The following PEX14 variants were observed in gnomAD, a reference collection of about 807,000 sequenced individuals.
PEX14 encodes the protein peroxisomal biogenesis factor 14.
In PEX14, 15 loss-of-function variants were observed where a neutral mutation model predicts 49.5. The ratio of observed to expected loss-of-function variants is 0.30; its 90% CI spans 0.20 to 0.47. PEX14 has a LOEUF of 0.47. Ranked by LOEUF, PEX14 falls within the 20% of genes least tolerant of loss-of-function variation. PEX14 has a pLI of 1.00. For synonymous variants in PEX14, 210 were observed against 212.7 expected, an observed-to-expected ratio of 0.99 and a Z score of 0.11; for missense variants, 398 against 494.8, an observed-to-expected ratio of 0.80 and a Z score of 1.86.
chr1:10,600,066 A>T (rs959449938), intron 4 of PEX14, among the ~76,000 whole-genome samples: 6 of 152,234 alleles, frequency 3.9e-5, no homozygotes, highest in Admixed American at 2.0e-4. Flanking sequence ...TAAAAAGTTT[A>T]AAAAGGCTAA....
At chr1:10,575,320 A>C (rs1640090754) in intron 3 of PEX14, among the ~76,000 whole-genome samples, 1 of 152,230 alleles carries the variant, frequency 6.6e-6, no homozygotes, top group Non-Finnish European at 1.5e-5. Context: ...AGTTGAAGAT[A>C]CTAACACACT....
At chr1:10,502,161 CT>C (rs1042776766) in intron 2 of PEX14, among the ~76,000 whole-genome samples, 4 of 152,118 alleles carry the variant, frequency 2.6e-5, no homozygotes, top group Non-Finnish European at 5.9e-5. Context: ...GTTGGCTGTC[CT>C]CTTTCCTCAC....
chr1:10,515,915 CTG>C (rs1407485220), intron 2 of PEX14, among the ~76,000 whole-genome samples: 3 of 152,164 alleles, frequency 2.0e-5, no homozygotes, highest in Non-Finnish European at 4.4e-5. Context: ...ATATTAGCCT[CTG>C]TGTGTTGGGC....
chr1:10,524,677 T>TTTGA (rs113020709), intron 2 of PEX14, among the ~76,000 whole-genome samples: 11,790 of 71,156 alleles, frequency 0.17, 1,163 homozygotes, highest in African/African-American at 0.29. Context: ...TGTGGAATCA[T>TTTGA]TTGATTGATT....
intron 3 of PEX14, among the ~76,000 whole-genome samples, chr1:10,578,672 GA>G (rs1036067848): frequency 1.3e-5 from 2 of 152,072 alleles, no homozygotes; most frequent in African/African-American, 4.8e-5. Flanking sequence ...GAATTTACAT[GA>G]AAAAAATGGG....
chr1:10,500,373 C>CAAAAAAAAAAAAAA (rs750781683), intron 2 of PEX14, among the ~76,000 whole-genome samples: 13 of 43,678 alleles, frequency 3.0e-4, no homozygotes, highest in East Asian at 8.3e-4. Context: ...GATTCTGTCT[C>CAAAAAAAAAAAAAA]AAAAAAAAAA....
intron 2 of PEX14, among the ~76,000 whole-genome samples, chr1:10,500,192 C>G (rs969016337): frequency 6.6e-6 from 1 of 150,654 alleles, no homozygotes; most frequent in Non-Finnish European, 1.5e-5. Flanking sequence ...CACCTGAGGT[C>G]AGGAGTTCGA....
Sources: allele counts gnomAD v4.1 joint callset (sites outside exome capture counted in the v4.1 genomes callset), GRCh38; gene constraint gnomAD v4.1.1; transcripts MANE v1.5; gene names NCBI Gene and HGNC (gene_info 2026-07-23, HGNC 2026-07-21).